LAMA2: variants seen among roughly 807,000 people sequenced by gnomAD.
LAMA2 encodes laminin subunit alpha-2.
LAMA2 carries 269 observed loss-of-function variants against 364.8 expected under a neutral mutation model. The ratio of observed to expected loss-of-function variants is 0.74; its 90% CI spans 0.67 to 0.82. LAMA2 has a LOEUF of 0.82. Among genes scored for constraint, LAMA2 ranks in the 40% least tolerant of loss-of-function variants. LAMA2 has a pLI of 0.00. For missense variants in LAMA2, 3,807 were observed against 3,873.2 expected (o/e 0.98, Z 0.45); for synonymous variants, 1,379 against 1,370.6 (o/e 1.01, Z -0.14).
At chr6:129,158,700 A>G (rs1779273769) in intron 8 of LAMA2, 1 of 1,613,976 alleles carries the variant, frequency 6.2e-7, no homozygotes, top group Non-Finnish European at 8.5e-7. Context: ...ACCTATGACA[A>G]CAGGGGGCAT....
At chr6:128,901,089 C>G (rs966017655) in intron 1 of LAMA2, among the ~76,000 whole-genome samples, 1 of 152,134 alleles carries the variant, frequency 6.6e-6, no homozygotes, top group African/African-American at 2.4e-5. Flanking sequence ...CCCGGGAGGT[C>G]GAGGCTGCAG....
chr6:128,932,708 CAATT>C (rs1413502566), intron 1 of LAMA2, among the ~76,000 whole-genome samples: 3 of 152,006 alleles, frequency 2.0e-5, no homozygotes, highest in Non-Finnish European at 4.4e-5. Flanking sequence ...GTATAATTGA[CAATT>C]AAAAATTGTG....
intron 58 of LAMA2, among the ~76,000 whole-genome samples, chr6:129,495,740 TC>T (rs776768593): frequency 2.0e-5 from 3 of 152,206 alleles, no homozygotes; most frequent in Non-Finnish European, 2.9e-5. Context: ...AGCACATTTT[TC>T]TGTGGTATTT....
At chr6:128,971,857 G>A (rs1031412148) in intron 1 of LAMA2, among the ~76,000 whole-genome samples, 14 of 152,162 alleles carry the variant, frequency 9.2e-5, no homozygotes, top group African/African-American at 2.9e-4. Flanking sequence ...GGGGCAGGGG[G>A]AAGTGCAAGT....
At chr6:128,993,095 A>G (rs914763269) in intron 1 of LAMA2, among the ~76,000 whole-genome samples, 1 of 152,174 alleles carries the variant, frequency 6.6e-6, no homozygotes, top group African/African-American at 2.4e-5. Flanking sequence ...CTTTCTGAGG[A>G]TGAAATCACT....
chr6:128,923,319 T>C (rs894224969), intron 1 of LAMA2, among the ~76,000 whole-genome samples: 1 of 151,382 alleles, frequency 6.6e-6, no homozygotes, highest in Non-Finnish European at 1.5e-5. Context: ...ATTTTCACGA[T>C]ATTGATTCTT....
intron 1 of LAMA2, among the ~76,000 whole-genome samples, chr6:128,996,245 G>A (rs1427095740): frequency 6.6e-6 from 1 of 152,152 alleles, no homozygotes; most frequent in Non-Finnish European, 1.5e-5. Flanking sequence ...GTGAAGATCG[G>A]GGAAATGAGC....
intron 4 of LAMA2, among the ~76,000 whole-genome samples, chr6:129,107,588 A>G (rs956933910): frequency 3.3e-5 from 5 of 152,210 alleles, no homozygotes; most frequent in African/African-American, 1.2e-4. Flanking sequence ...GGCCAAGTAG[A>G]CAAAAATAAT....
At chr6:129,050,552 G>T (rs1787928713) in intron 2 of LAMA2, among the ~76,000 whole-genome samples, 1 of 152,164 alleles carries the variant, frequency 6.6e-6, no homozygotes, top group African/African-American at 2.4e-5. Context: ...AAGGCTTGGT[G>T]TAAGTAAAGG....
chr6:129,251,076 C>CTCTATATATA (rs1491468271), intron 13 of LAMA2, among the ~76,000 whole-genome samples: 12 of 49,802 alleles, frequency 2.4e-4, no homozygotes, highest in African/African-American at 6.5e-4. Context: ...CTCTCTCTCT[C>CTCTATATATA]TATATATATA....
chr6:129,227,016 G>A (rs1445204066), intron 12 of LAMA2, among the ~76,000 whole-genome samples: 1 of 152,266 alleles, frequency 6.6e-6, no homozygotes, highest in East Asian at 1.9e-4. Flanking sequence ...ATTTCTTGGA[G>A]GCTTTGTTCG....
intron 3 of LAMA2, among the ~76,000 whole-genome samples, chr6:129,088,480 C>T (rs1336886286): frequency 2.1e-5 from 3 of 143,286 alleles, no homozygotes; most frequent in South Asian, 2.3e-4. Flanking sequence ...CCGGTAGAGG[C>T]GCCCCCCACC....
At chr6:128,893,407 T>C (rs1403148981) in intron 1 of LAMA2, among the ~76,000 whole-genome samples, 6 of 151,822 alleles carry the variant, frequency 4.0e-5, no homozygotes, top group African/African-American at 1.4e-4. Context: ...ATGTTATGTA[T>C]TAATATACAT....
At chr6:129,243,889 G>A (rs1204471190) in intron 12 of LAMA2, among the ~76,000 whole-genome samples, 1 of 151,784 alleles carries the variant, frequency 6.6e-6, no homozygotes, top group East Asian at 1.9e-4. Context: ...AGAGGAGAAG[G>A]AGATGAAGAA....
chr6:129,460,895 G>A lies in LAMA2; in HGVS notation c.6992+571G>A, dbSNP rs368566012. Among the ~76,000 whole-genome samples, 57 of 151,958 alleles carry A rather than the reference G, an allele frequency of 3.8e-4. No individual in the cohort carries two copies. The East Asian group carries it at 4.8e-3, about 13-fold the overall frequency. On this transcript the variant is annotated intron_variant, in intron 49 of 64. Coordinates refer to ENST00000421865, the MANE Select transcript of LAMA2 (RefSeq NM_000426.4). ...CAAGAGAGAAGGAGAACAAGGGGCC[G>A]AGATAGTCCAGGAGGAAAGTTCCTA...
chr6:129,415,261 C>T (rs1298117324), intron 40 of LAMA2, among the ~76,000 whole-genome samples: 1 of 152,164 alleles, frequency 6.6e-6, no homozygotes, highest in African/African-American at 2.4e-5. Flanking sequence ...AGTCCCTTCT[C>T]TGAAGACATT....
intron 22 of LAMA2, among the ~76,000 whole-genome samples, chr6:129,311,546 G>C (rs1024833112): frequency 1.3e-5 from 2 of 152,142 alleles, no homozygotes; most frequent in African/African-American, 4.8e-5. Context: ...ATGTCTACGG[G>C]GTCTACCTAC....
chr6:129,363,081 G>A (rs927037671), intron 32 of LAMA2, among the ~76,000 whole-genome samples: 6 of 152,128 alleles, frequency 3.9e-5, no homozygotes, highest in Non-Finnish European at 5.9e-5. Flanking sequence ...AGCTGAGGTG[G>A]GAGGATCACT....
At chr6:128,902,245 A>C (rs1253064803) in intron 1 of LAMA2, among the ~76,000 whole-genome samples, 2 of 152,206 alleles carry the variant, frequency 1.3e-5, no homozygotes, top group Admixed American at 6.5e-5. Context: ...TTGTGAGGAC[A>C]CTGAGCCAGA....
Sources: gnomAD v4.1 joint callset for allele counts (sites outside exome capture counted in the v4.1 genomes callset) on GRCh38, gnomAD v4.1.1 for gene constraint, MANE v1.5 for transcripts, NCBI Gene and HGNC (gene_info 2026-07-23, HGNC 2026-07-21) for gene names.